The following CLNK variants were observed in gnomAD, a reference collection of about 807,000 sequenced individuals.
CLNK encodes cytokine dependent hematopoietic cell linker.
CLNK carries 74 observed loss-of-function variants against 68.6 expected under a neutral mutation model. The ratio of observed to expected loss-of-function variants is 1.08; its 90% CI spans 0.89 to 1.31. CLNK has a LOEUF of 1.31. Among genes scored for constraint, CLNK ranks in the 50% most tolerant of loss-of-function variants. The probability of loss-of-function intolerance (pLI) is 0.00; values close to 1 mark genes in which losing one functional copy is unlikely to be tolerated. For synonymous variants in CLNK, 198 were observed against 172.2 expected, an observed-to-expected ratio of 1.15 and a Z score of -1.17; for missense variants, 553 against 515.3, an observed-to-expected ratio of 1.07 and a Z score of -0.71.
At chr4:10,712,150 T>A in the CLNK span, among the ~76,000 whole-genome samples, 1 of 152,150 alleles carries the variant, frequency 6.6e-6, no homozygotes, top group East Asian at 1.9e-4. Context: ...TTGGAAAATA[T>A]GTGGCTTTAT....
intron 2 of CLNK, among the ~76,000 whole-genome samples, chr4:10,610,290 C>T (rs1318657759): frequency 6.7e-6 from 1 of 149,318 alleles, no homozygotes; most frequent in Non-Finnish European, 1.5e-5. Flanking sequence ...GTGATCCGCC[C>T]GCCTCGGCCT....
chr4:10,580,232 A>G (rs2869470), intron 4 of CLNK, among the ~76,000 whole-genome samples: 33,764 of 152,112 alleles, frequency 0.22, 3,986 homozygotes, highest in African/African-American at 0.29. Flanking sequence ...TGTGCTTCTG[A>G]CGGTGACATT....
At chr4:10,730,678 C>T in the CLNK span, among the ~76,000 whole-genome samples, 4 of 152,162 alleles carry the variant, frequency 2.6e-5, no homozygotes, top group East Asian at 7.7e-4. Context: ...CGATCAAAAT[C>T]GTACATGCCT....
At chr4:10,689,767 AT>A (rs1341134728), upstream of CLNK, among the ~76,000 whole-genome samples, 1 of 12,516 alleles carries the variant, frequency 8.0e-5, no homozygotes, top group Non-Finnish European at 2.8e-4. Context: ...TTTTTTACAA[AT>A]TGTGTGAGTG....
chr4:10,611,045 C>T lies in CLNK; in HGVS notation c.12-12996G>A, dbSNP rs185133092. 7.9e-5 allele frequency among the ~76,000 whole-genome samples: 12 copies of T among 152,182 alleles called. No homozygotes were observed. In the South Asian group the frequency reaches 1.9e-3, roughly 24 times the overall value. On this transcript the variant is annotated intron_variant, in intron 2 of 18. Coordinates refer to ENST00000226951, the MANE Select transcript of CLNK (RefSeq NM_052964.4). ...CTAAAAATACAAAAATTAGGCTGGG[C>T]GCAGTGGCTCACGCCTGTAATCCCA...
chr4:10,724,329 G>A, the CLNK span, among the ~76,000 whole-genome samples: 15 of 152,054 alleles, frequency 9.9e-5, no homozygotes, highest in Non-Finnish European at 1.5e-4. Context: ...CTCTTGAAGA[G>A]GCTTATCCTG....
intron 8 of CLNK, 79 bp from the exon 9 acceptor site, chr4:10,542,359 T>C (rs946067514): frequency 9.7e-6 from 9 of 926,398 alleles, no homozygotes; most frequent in Admixed American, 2.6e-5. Flanking sequence ...TACATGAAAA[T>C]CATTTTTATT....
intron 2 of CLNK, among the ~76,000 whole-genome samples, chr4:10,637,438 G>GTTTTTTT (rs11396379): frequency 0.023 from 2,891 of 123,804 alleles, 71 homozygotes; most frequent in Non-Finnish European, 0.036. Context: ...AATAAAAAAA[G>GTTTTTTT]TTTTTTTTTT....
At chr4:10,678,330 A>G (rs1206494528) in intron 1 of CLNK, among the ~76,000 whole-genome samples, 1 of 152,204 alleles carries the variant, frequency 6.6e-6, no homozygotes, top group Non-Finnish European at 1.5e-5. Context: ...AGCACTCTGT[A>G]AAGTATAAAC....
chr4:10,569,188 CT>C lies in CLNK; in HGVS notation c.150+2552del, dbSNP rs57423330. ...CCCAAGTGAATTGGCCAAGACTGCCCTTTTTTTTTTTTTTTTTTGGTCATTT... is the reference window on the plus strand; with the variant it reads ...CCCAAGTGAATTGGCCAAGACTGCCCTTTTTTTTTTTTTTTTTGGTCATTT... On this transcript the variant is annotated intron_variant, in intron 5 of 18. Transcript: ENST00000226951. Among the ~76,000 whole-genome samples, 884 of 124,368 alleles carry C rather than the reference CT, an allele frequency of 7.1e-3. 6 individuals are homozygous for C. Among genetic ancestry groups the C allele is most frequent in the East Asian group, 0.04 (173 of 4,346 alleles). The allele number at this position is 124,368 out of a possible 152,430, so 81.6% of individuals were successfully genotyped here. A position where few individuals can be genotyped will look rare whatever the true frequency, so the allele number is the denominator to read the frequency against.
At chr4:10,620,199 T>G (rs1473679927) in intron 2 of CLNK, among the ~76,000 whole-genome samples, 1 of 152,160 alleles carries the variant, frequency 6.6e-6, no homozygotes, top group Non-Finnish European at 1.5e-5. Context: ...AATGAAGGAT[T>G]TGAATCTGGA....
intron 2 of CLNK, among the ~76,000 whole-genome samples, chr4:10,648,379 G>C (rs1723594713): frequency 6.6e-6 from 1 of 152,158 alleles, no homozygotes; most frequent in African/African-American, 2.4e-5. Flanking sequence ...TAAAAATTAA[G>C]TGTCATGCAA....
chr4:10,629,098 G>A (rs903877996), intron 2 of CLNK, among the ~76,000 whole-genome samples: 2 of 151,994 alleles, frequency 1.3e-5, no homozygotes, highest in South Asian at 4.2e-4. Flanking sequence ...CAGCTCCCAT[G>A]CCCCCATTCT....
intron 2 of CLNK, among the ~76,000 whole-genome samples, chr4:10,599,034 T>C (rs1419929182): frequency 6.6e-6 from 1 of 152,364 alleles, no homozygotes; most frequent in East Asian, 1.9e-4. Flanking sequence ...AAGTGCTACT[T>C]CCTCAGAGAA....
the CLNK span, among the ~76,000 whole-genome samples, chr4:10,694,347 G>A: frequency 6.6e-6 from 1 of 151,990 alleles, no homozygotes; most frequent in Non-Finnish European, 1.5e-5. Flanking sequence ...ACAGTGGCTG[G>A]GGATGGGCTT....
intron 2 of CLNK, among the ~76,000 whole-genome samples, chr4:10,666,878 G>T (rs991904595): frequency 2.6e-5 from 4 of 152,228 alleles, no homozygotes; most frequent in African/African-American, 9.6e-5. Flanking sequence ...GGCATCCATG[G>T]GTAGCTGAGA....
At chr4:10,494,749 G>A (rs1250046839) in intron 18 of CLNK, among the ~76,000 whole-genome samples, 13 of 152,126 alleles carry the variant, frequency 8.5e-5, no homozygotes, top group South Asian at 2.1e-4. Context: ...GTGAGCCCCC[G>A]CGCCCAGCCT....
chr4:10,688,623 C>T (rs1413193303), upstream of CLNK, among the ~76,000 whole-genome samples: 2 of 152,058 alleles, frequency 1.3e-5, no homozygotes, highest in Admixed American at 6.5e-5. Context: ...TCTCCTTTCT[C>T]CCCTTTAAAA....
At chr4:10,697,198 C>A in the CLNK span, 2 of 152,182 alleles carry the variant, frequency 1.3e-5, no homozygotes, top group Non-Finnish European at 2.9e-5. Context: ...TGCACCTGGA[C>A]TCAGGGTTAC....
Sources: allele counts gnomAD v4.1 joint callset (sites outside exome capture counted in the v4.1 genomes callset), GRCh38; gene constraint gnomAD v4.1.1; transcripts MANE v1.5; gene names NCBI Gene and HGNC (gene_info 2026-07-23, HGNC 2026-07-21).